CPAP: variants seen among roughly 807,000 people sequenced by gnomAD.
The protein encoded by CPAP is centrosomal P4.1-associated protein.
the CPAP span, among the ~76,000 whole-genome samples, chr13:24,923,969 C>T: frequency 1.3e-5 from 2 of 152,152 alleles, no homozygotes; most frequent in African/African-American, 2.4e-5. Flanking sequence ...GCTGGGATTA[C>T]AGGCGCCCGC....
chr13:24,924,669 T>C, the CPAP span: 3 of 152,226 alleles, frequency 2.0e-5, no homozygotes, highest in Non-Finnish European at 2.9e-5. Flanking sequence ...AAAATTAGAC[T>C]AACGGTTGTG....
At chr13:24,884,950 A>G in the CPAP span, among the ~76,000 whole-genome samples, 1 of 152,186 alleles carries the variant, frequency 6.6e-6, no homozygotes, top group Admixed American at 6.5e-5. Context: ...CCACTAAGAA[A>G]CTTTCCTAAG....
At chr13:24,886,078 C>T in the CPAP span, 1 of 369,214 alleles carries the variant, frequency 2.7e-6, no homozygotes, top group Non-Finnish European at 5.3e-6. Context: ...TGTAATATGT[C>T]CAGCACACCA....
the CPAP span, among the ~76,000 whole-genome samples, chr13:24,891,107 A>T: frequency 6.6e-6 from 1 of 151,960 alleles, no homozygotes; most frequent in Admixed American, 6.6e-5. Flanking sequence ...CTCAAGGCCC[A>T]CAGTTCCTTC....
At chr13:24,914,068 T>G in the CPAP span, among the ~76,000 whole-genome samples, 1 of 152,052 alleles carries the variant, frequency 6.6e-6, no homozygotes, top group South Asian at 2.1e-4. Flanking sequence ...ACACACACAT[T>G]ATACAGTATG....
At chr13:24,907,628 T>C in the CPAP span, among the ~76,000 whole-genome samples, 1 of 147,172 alleles carries the variant, frequency 6.8e-6, no homozygotes, top group Non-Finnish European at 1.5e-5. Context: ...ACTTAAAATA[T>C]AAAATACTTA....
At chr13:24,929,229 A>T in the CPAP span, among the ~76,000 whole-genome samples, 1 of 151,964 alleles carries the variant, frequency 6.6e-6, no homozygotes, top group Non-Finnish European at 1.5e-5. Context: ...ACATCCAGCT[A>T]ATTTTTGTTT....
chr13:24,891,842 C>G, the CPAP span, among the ~76,000 whole-genome samples: 1 of 152,202 alleles, frequency 6.6e-6, no homozygotes, highest in Admixed American at 6.5e-5. Context: ...GAGGGCTGGC[C>G]CACCGCTCCT....
the CPAP span, among the ~76,000 whole-genome samples, chr13:24,897,599 T>C: frequency 3.9e-5 from 6 of 152,158 alleles, no homozygotes; most frequent in African/African-American, 7.2e-5. Flanking sequence ...ATGGCACATA[T>C]TACAATTCTA....
the CPAP span, among the ~76,000 whole-genome samples, chr13:24,901,490 ATTTATCACAAGGAAGTAGATT>A: frequency 6.6e-6 from 1 of 152,218 alleles, no homozygotes; most frequent in Non-Finnish European, 1.5e-5. Flanking sequence ...CATTCTTAAA[ATTTATCACAAGGAAGTAGATT>A]TTTAAATAAA....
chr13:24,899,665 C>T, the CPAP span: 1 of 1,047,384 alleles, frequency 9.5e-7, no homozygotes. Context: ...AGGCTAGTAA[C>T]TGCTAGTCCT....
the CPAP span, among the ~76,000 whole-genome samples, chr13:24,917,253 A>AAAAT: frequency 6.6e-6 from 1 of 152,178 alleles, no homozygotes; most frequent in Non-Finnish European, 1.5e-5. Context: ...CTCTGTCTCA[A>AAAAT]AAATAAATAA....
the CPAP span, among the ~76,000 whole-genome samples, chr13:24,890,950 C>T: frequency 2.6e-5 from 4 of 152,010 alleles, no homozygotes; most frequent in African/African-American, 9.7e-5. Flanking sequence ...TATACAAACA[C>T]CTGTTAATTT....
the CPAP span, chr13:24,899,547 C>A: frequency 1.2e-6 from 2 of 1,613,914 alleles, no homozygotes; most frequent in East Asian, 4.5e-5. Context: ...CGAGCTAATT[C>A]TTTTGCTTTC....
At chr13:24,905,985 T>G in the CPAP span, 1 of 1,614,194 alleles carries the variant, frequency 6.2e-7, no homozygotes, top group Non-Finnish European at 8.5e-7. Context: ...TCAGTCTGAT[T>G]TTCAGAAGTG....
the CPAP span, chr13:24,932,968 TAA>T: frequency 3.5e-6 from 5 of 1,428,032 alleles, no homozygotes; most frequent in Admixed American, 1.7e-5. Flanking sequence ...CATATTGACT[TAA>T]GAGAGGGTCC....
At chr13:24,919,202 C>T in the CPAP span, among the ~76,000 whole-genome samples, 1 of 152,048 alleles carries the variant, frequency 6.6e-6, no homozygotes, top group East Asian at 1.9e-4. Flanking sequence ...AAATTTTCAA[C>T]GAAGTGACCA....
the CPAP span, chr13:24,882,323 A>AATTG: frequency 6.6e-6 from 1 of 151,444 alleles, no homozygotes; most frequent in East Asian, 1.9e-4. Flanking sequence ...AGTCACCTGG[A>AATTG]ATTGATAGAT....
the CPAP span, chr13:24,884,320 T>C: frequency 1.9e-6 from 3 of 1,614,026 alleles, no homozygotes; most frequent in Admixed American, 3.3e-5. Flanking sequence ...TCTGGAAACA[T>C]ACCACTCTTT....
Sources: allele counts gnomAD v4.1 joint callset (sites outside exome capture counted in the v4.1 genomes callset), GRCh38; gene constraint gnomAD v4.1.1; transcripts MANE v1.5; gene names NCBI Gene and HGNC (gene_info 2026-07-23, HGNC 2026-07-21).